Variants in FAM20C observed in about 807,000 individuals in gnomAD.
FAM20C encodes the protein extracellular serine/threonine protein kinase FAM20C.
Under a neutral mutation model 51.5 loss-of-function variants are expected in FAM20C, and 40 were observed. That is an observed-to-expected ratio of 0.78 (90% CI 0.60 to 1.01). The LOEUF (loss-of-function observed/expected upper bound fraction) is 1.01. FAM20C is among the 50% of genes least tolerant of loss of function. The probability of loss-of-function intolerance (pLI) is 0.00; values close to 1 mark genes in which losing one functional copy is unlikely to be tolerated. For synonymous variants in FAM20C, 406 were observed against 380.6 expected, an observed-to-expected ratio of 1.07 and a Z score of -0.78; for missense variants, 861 against 844.7, an observed-to-expected ratio of 1.02 and a Z score of -0.24.
chr7:216,516 C>T (rs1465429227), intron 3 of FAM20C, among the ~76,000 whole-genome samples: 1 of 151,834 alleles, frequency 6.6e-6, no homozygotes, highest in Non-Finnish European at 1.5e-5. Context: ...TGAGGAAAGG[C>T]CAGCTGGGAG....
rs527993903 is a variant in FAM20C at position 214,543 on chromosome 7, C to T, written c.863+5567C>T. On this transcript the variant is annotated intron_variant, in intron 3 of 9. Coordinates refer to ENST00000313766, the MANE Select transcript of FAM20C (RefSeq NM_020223.4). ...ACTTGGCACGGTCAGCGGAACGGTG[C>T]GGCTTTAGGAAACACCACGTAGCCA... is the stretch of plus-strand genomic sequence containing the variant. Among the ~76,000 whole-genome samples, 8 of 152,300 alleles carry T rather than the reference C, an allele frequency of 5.3e-5. No homozygotes were observed. The East Asian group carries it at 7.7e-4, about 15-fold the overall frequency.
chr7:207,655 C>A (rs990580944), intron 2 of FAM20C, among the ~76,000 whole-genome samples: 7 of 152,226 alleles, frequency 4.6e-5, no homozygotes, highest in African/African-American at 1.7e-4. Flanking sequence ...TGTTCGGGCC[C>A]GTGATGTTGA....
intron 3 of FAM20C, among the ~76,000 whole-genome samples, chr7:212,210 C>T (rs947644588): frequency 1.3e-5 from 2 of 152,244 alleles, no homozygotes; most frequent in African/African-American, 4.8e-5. Context: ...CAGCTGTAAT[C>T]CCAGCACTTC....
chr7:199,228 G>T (rs910945663), intron 2 of FAM20C, among the ~76,000 whole-genome samples: 5 of 152,262 alleles, frequency 3.3e-5, no homozygotes, highest in African/African-American at 1.2e-4. Flanking sequence ...GAGGATCTGG[G>T]TGAAGACCCA....
chr7:232,984 C>G (rs1360770310), intron 3 of FAM20C, among the ~76,000 whole-genome samples: 1 of 152,222 alleles, frequency 6.6e-6, no homozygotes, highest in Non-Finnish European at 1.5e-5. Context: ...CACGGACGTT[C>G]GGAACAGCAG....
chr7:255,094 CTT>C (rs1788539636), intron 5 of FAM20C, among the ~76,000 whole-genome samples: 1 of 152,184 alleles, frequency 6.6e-6, no homozygotes, highest in Non-Finnish European at 1.5e-5. Context: ...TTTCTCTTCT[CTT>C]AGGGGTTTAC....
At chr7:212,623 G>A (rs1408719365) in intron 3 of FAM20C, among the ~76,000 whole-genome samples, 2 of 151,992 alleles carry the variant, frequency 1.3e-5, no homozygotes, top group East Asian at 3.9e-4. Context: ...CGGTGAGGTG[G>A]GGGCCAGCCT....
At chr7:216,624 TGTGTGTGA>T (rs1786979444) in intron 3 of FAM20C, among the ~76,000 whole-genome samples, 2 of 62,070 alleles carry the variant, frequency 3.2e-5, no homozygotes, top group Admixed American at 3.5e-4. Flanking sequence ...TGTGTATGAG[TGTGTGTGA>T]GTGTGTGTGA....
intron 3 of FAM20C, among the ~76,000 whole-genome samples, chr7:217,623 CT>C: frequency 6.6e-6 from 1 of 152,290 alleles, no homozygotes; most frequent in African/African-American, 2.4e-5. Context: ...CCTGAAGCGG[CT>C]TCTGAGGCCT....
At position 246,442 on chromosome 7, in the gene FAM20C, T is replaced by C; in HGVS notation, c.891T>C (p.Pro297=). 1 of 1,456,420 alleles carries C rather than the reference T, an allele frequency of 6.9e-7. No homozygotes were observed. Among genetic ancestry groups the C allele is most frequent in the Non-Finnish European group, 9.0e-7 (1 of 1,113,210 alleles). 90.2% of individuals were successfully genotyped at this position (1,456,420 alleles called of 1,614,324 possible). Residue 297 remains proline (P), a synonymous_variant, in exon 4 of 10, where the codon CCT becomes CCC. Coordinates refer to ENST00000313766, the MANE Select transcript of FAM20C (RefSeq NM_020223.4). The part of the protein sequence containing the change: ...MKQTREQETP[P]DFFYFSDYER... ...AAACGAGGGAGCAGGAGACACCCCC[T>C]GACTTTTTTTATTTCTCTGACTACG...
intron 5 of FAM20C, among the ~76,000 whole-genome samples, chr7:251,280 T>TGAGTGGCCGGGCA (rs1462439696): frequency 3.9e-5 from 3 of 76,034 alleles, no homozygotes; most frequent in African/African-American, 4.4e-5. Context: ...ACGCCTGCAA[T>TGAGTGGCCGGGCA]CCCAGTACTG....
chr7:217,818 G>A (rs537256966), intron 3 of FAM20C, among the ~76,000 whole-genome samples: 5 of 152,288 alleles, frequency 3.3e-5, no homozygotes, highest in African/African-American at 9.6e-5. Flanking sequence ...TGAGAGGTTC[G>A]ATGAGCGCCT....
chr7:193,745 C>A lies in FAM20C; in HGVS notation c.546C>A (p.Val182=). 1 of 1,548,884 alleles carries A rather than the reference C, an allele frequency of 6.5e-7. No homozygotes were observed. The highest frequency in any genetic ancestry group is 8.7e-7 in the Non-Finnish European group (1 of 1,146,296). Residue 182 remains valine, a synonymous_variant, in exon 1 of 10, where the codon GTC becomes GTA. Transcript: ENST00000313766. ...TTCCGCCGCTCACGGAGGAGGACGT[C>A]CTGTTCAATGTGAACAGCGACACCA... The part of the protein sequence containing the change: ...VAVPPLTEED[V]LFNVNSDTRL...
At chr7:236,023 C>T (rs1313476853) in intron 3 of FAM20C, among the ~76,000 whole-genome samples, 2 of 152,258 alleles carry the variant, frequency 1.3e-5, no homozygotes, top group African/African-American at 4.8e-5. Context: ...CACCTGCCCT[C>T]CTCACCTGGC....
intron 3 of FAM20C, among the ~76,000 whole-genome samples, chr7:232,581 A>G (rs1324861369): frequency 6.6e-6 from 1 of 152,248 alleles, no homozygotes; most frequent in Non-Finnish European, 1.5e-5. Context: ...GGCATTGGTA[A>G]TAAGCTGCCA....
intron 8 of FAM20C, among the ~76,000 whole-genome samples, chr7:258,268 G>GCC (rs1788711847): frequency 2.2e-5 from 3 of 135,456 alleles, no homozygotes; most frequent in Admixed American, 7.0e-5. Context: ...CTGGAGATAG[G>GCC]CAGGGTGGAC....
chr7:246,810 A>G (rs1017381458), intron 4 of FAM20C, among the ~76,000 whole-genome samples: 6 of 151,982 alleles, frequency 3.9e-5, no homozygotes, highest in African/African-American at 1.5e-4. Context: ...AGCCTTTCAT[A>G]TCCCCCTTTA....
At chr7:204,795 C>T (rs908187421) in intron 2 of FAM20C, among the ~76,000 whole-genome samples, 1 of 152,054 alleles carries the variant, frequency 6.6e-6, no homozygotes, top group Non-Finnish European at 1.5e-5. Flanking sequence ...ATGTGGCACT[C>T]GTGTGGCCTT....
At chr7:223,198 C>A (rs896870391) in intron 3 of FAM20C, among the ~76,000 whole-genome samples, 1 of 152,248 alleles carries the variant, frequency 6.6e-6, no homozygotes, top group South Asian at 2.1e-4. Context: ...GGGGCGAGCT[C>A]CCTTCTGTCC....
Sources: gnomAD v4.1 joint callset for allele counts (sites outside exome capture counted in the v4.1 genomes callset) on GRCh38, gnomAD v4.1.1 for gene constraint, MANE v1.5 for transcripts, NCBI Gene and HGNC (gene_info 2026-07-23, HGNC 2026-07-21) for gene names.